The following GTPBP1 variants were observed in gnomAD, a reference collection of about 807,000 sequenced individuals.
The protein encoded by GTPBP1 is GTP binding protein 1.
A neutral mutation model predicts 62.0 loss-of-function variants in GTPBP1; 23 were observed. The observed-to-expected ratio is 0.37, with a 90% CI of 0.27 to 0.53. GTPBP1 has a LOEUF of 0.53. Ranked by LOEUF, GTPBP1 falls within the 20% of genes least tolerant of loss-of-function variation. The pLI is 0.89. For missense variants in GTPBP1, 640 were observed against 917.3 expected (o/e 0.70, Z 3.90); for synonymous variants, 344 against 364.4 (o/e 0.94, Z 0.64).
At chr22:38,722,638 T>G in intron 5 of GTPBP1, 1 of 1,422,142 alleles carries the variant, frequency 7.0e-7, no homozygotes, top group Non-Finnish European at 9.5e-7. Flanking sequence ...ACAAGCATAA[T>G]TGGTTCCTTG....
rs909765016 is a variant in GTPBP1, at chr22:38,729,473, C to T, written c.1728C>T (p.Thr576=). Residue 576 remains threonine, a synonymous_variant, in exon 11 of 12, where the codon ACC becomes ACT. Transcript: ENST00000216044. ...CATGGCTCCCACAGCTCCTCCAGAC[C>T]ACCAACAACTCCCCAATGAACTCCA... ...AVGTITKLLQ[T]TNNSPMNSKP... The T allele has an allele frequency of 1.9e-6, 3 of 1,603,794 alleles. No individual in the cohort carries two copies. The highest frequency in any genetic ancestry group is 2.6e-6 in the Non-Finnish European group (3 of 1,175,624).
chr22:38,737,406 C>T (rs1026640305), downstream of GTPBP1, among the ~76,000 whole-genome samples: 1 of 152,174 alleles, frequency 6.6e-6, no homozygotes, highest in Admixed American at 6.5e-5. The surrounding 1 kb of genome is among the most constrained non-coding windows in gnomAD (Gnocchi z 4.1). Context: ...CTCTCCCCCA[C>T]CTATCCTGTT....
chr22:38,712,711 G>A (rs1569276136), intron 2 of GTPBP1, among the ~76,000 whole-genome samples: 2 of 152,108 alleles, frequency 1.3e-5, no homozygotes. Context: ...GAGCCCTGAT[G>A]GACAAGGTGA....
rs199499842 is a variant in GTPBP1, at chr22:38,719,013, A to AT, written c.834+2023dup. 7.6e-3 allele frequency among the ~76,000 whole-genome samples: 1,141 copies of AT among 150,292 alleles called. 11 individuals are homozygous for AT. Among genetic ancestry groups the AT allele is most frequent in the Middle Eastern group, 0.017 (5 of 294 alleles). The stretch of plus-strand genomic sequence containing the variant: ...GTATATATGTTTTTTATTTATTTTA[A>AT]TTTTTTTTTTGAGATGGAGTCTTGC... On this transcript the variant is annotated intron_variant, in intron 4 of 11. Coordinates refer to ENST00000216044, the MANE Select transcript of GTPBP1 (RefSeq NM_004286.5).
chr22:38,731,456 C>T lies in GTPBP1; in HGVS notation c.*752C>T, dbSNP rs376261872. On this transcript the variant is annotated 3_prime_UTR_variant, in exon 12 of 12. Transcript: ENST00000216044. Reference sequence around the variant, plus strand: ...TGGGATTATAGGACTCTCCCCATCTCGGGCCCTGACCCTGACCCTTGCCAC... The same window carrying T: ...TGGGATTATAGGACTCTCCCCATCTTGGGCCCTGACCCTGACCCTTGCCAC... The T allele has an allele frequency of 1.1e-3, 161 of 152,830 alleles. No homozygotes were observed. The highest frequency in any genetic ancestry group is 3.7e-3 in the African/African-American group (155 of 41,560). 9.5% of individuals were successfully genotyped at this position (152,830 alleles called of 1,614,324 possible). A position where few individuals can be genotyped will look rare whatever the true frequency, so the allele number is the denominator to read the frequency against.
downstream of GTPBP1, chr22:38,737,991 C>T (rs1341647264): frequency 1.4e-6 from 1 of 717,516 alleles, no homozygotes; most frequent in Non-Finnish European, 2.6e-6. The surrounding 1 kb of genome is among the most constrained non-coding windows in gnomAD (Gnocchi z 4.1). Flanking sequence ...GTGCCTTCCC[C>T]TGTGCTGACG....
intron 6 of GTPBP1, 37 bp from the exon 7 acceptor site, chr22:38,725,967 CCT>C (rs1477245033): frequency 1.2e-6 from 2 of 1,605,098 alleles, no homozygotes; most frequent in East Asian, 2.2e-5. Flanking sequence ...CTCCTGAGTG[CCT>C]CTCTCCTTTT....
Position 38,727,087 on chromosome 22 carries a change from T to G in GTPBP1, c.1402-126T>G. 1.1e-6 allele frequency: 1 copy of G among 886,932 alleles called. No individual in the cohort carries two copies. The highest frequency in any genetic ancestry group is 1.7e-6 in the Non-Finnish European group (1 of 595,920). The allele number at this position is 886,932 out of a possible 1,614,324, so 54.9% of individuals were successfully genotyped here. A position where few individuals can be genotyped will look rare whatever the true frequency, so the allele number is the denominator to read the frequency against. The stretch of plus-strand genomic sequence containing the variant: ...CCACCCTAGAAGGCCTGTGGTCCAG[T>G]TGGTGAGGAAACCAGGCAGAGTTGG... On this transcript the variant is annotated intron_variant, in intron 8 of 11. Transcript: ENST00000216044. This position sits in a 1 kb window ranked among gnomAD's most constrained non-coding sequence, Gnocchi z 6.5.
In GTPBP1 at chr22:38,726,468, C is replaced by T. The variant is rs1305869330; in HGVS notation, c.1401+28C>T. 7.6e-6 allele frequency: 12 copies of T among 1,587,760 alleles called. No homozygotes were observed. In the South Asian group the frequency reaches 1.0e-4, roughly 13 times the overall value. On this transcript the variant is annotated intron_variant, in intron 8 of 11. Transcript: ENST00000216044. The surrounding 1 kb of genome is among the most constrained non-coding windows in gnomAD (Gnocchi z 4.1). ...GAGTAGCGATGATACTGAACGCTCC[C>T]CTCAGACTCCATCATGCTAGGCTCT...
chr22:38,723,262 C>A (rs531712279), intron 5 of GTPBP1: 16 of 994,678 alleles, frequency 1.6e-5, no homozygotes, highest in African/African-American at 6.3e-5. Context: ...GGTCTTTGAA[C>A]TCTCCATTGA....
chr22:38,720,188 A>G (rs541028103), intron 4 of GTPBP1, among the ~76,000 whole-genome samples: 3 of 151,102 alleles, frequency 2.0e-5, no homozygotes, highest in South Asian at 4.2e-4. Context: ...TCGGCCTCCC[A>G]AAGTGCTGGG....
chr22:38,738,290 G>A, downstream of GTPBP1: 1 of 1,598,544 alleles, frequency 6.3e-7, no homozygotes, highest in Non-Finnish European at 8.6e-7. This position sits in a 1 kb window ranked among gnomAD's most constrained non-coding sequence, Gnocchi z 6.6. Context: ...GAGGGAAGTG[G>A]GGAGGGGCTG....
rs1406629580 is a variant in GTPBP1 at position 38,731,438 on chromosome 22, A to T, written c.*734A>T. 6.5e-6 allele frequency: 1 copy of T among 152,716 alleles called. No homozygotes were observed. Among genetic ancestry groups the T allele is most frequent in the Admixed American group, 6.5e-5 (1 of 15,274 alleles). 9.5% of individuals were successfully genotyped at this position (152,716 alleles called of 1,614,324 possible). On this transcript the variant is annotated 3_prime_UTR_variant, in exon 12 of 12. Coordinates refer to ENST00000216044, the MANE Select transcript of GTPBP1 (RefSeq NM_004286.5). Reference sequence around the variant, plus strand: ...TGTGGAGGGGAATGGCGATGGGATTATAGGACTCTCCCCATCTCGGGCCCT... The same window carrying T: ...TGTGGAGGGGAATGGCGATGGGATTTTAGGACTCTCCCCATCTCGGGCCCT...
downstream of GTPBP1, among the ~76,000 whole-genome samples, chr22:38,741,227 T>C (rs534901690): frequency 1.3e-5 from 2 of 151,484 alleles, no homozygotes; most frequent in African/African-American, 4.9e-5. Flanking sequence ...GTCTCGTCCA[T>C]GTCTGACACA....
intron 4 of GTPBP1, among the ~76,000 whole-genome samples, chr22:38,717,545 A>T (rs993198888): frequency 2.0e-5 from 3 of 152,234 alleles, no homozygotes; most frequent in Non-Finnish European, 4.4e-5. Context: ...CTGATGATAC[A>T]GCAATGAACA....
Position 38,727,239 on chromosome 22 carries a change from C to T in GTPBP1, c.1428C>T (p.Gly476=). Residue 476 remains glycine (G), a synonymous_variant, in exon 9 of 12, where the codon GGC becomes GGT. Transcript: ENST00000216044. This position sits in a 1 kb window ranked among gnomAD's most constrained non-coding sequence, Gnocchi z 6.5. ...KKIKRSSIRK[G]MVMVSPRLNP... is the part of the protein sequence containing the mutation. ...TCAAGCGCTCGTCCATCCGGAAGGG[C>T]ATGGTGATGGTTTCCCCACGTTTGA... The T allele has an allele frequency of 2.5e-6, 4 of 1,598,182 alleles. No homozygotes were observed. Among genetic ancestry groups the T allele is most frequent in the South Asian group, 1.1e-5 (1 of 89,066 alleles).
At chr22:38,715,437 G>A (rs1199788294) in intron 2 of GTPBP1, among the ~76,000 whole-genome samples, 1 of 152,162 alleles carries the variant, frequency 6.6e-6, no homozygotes, top group Non-Finnish European at 1.5e-5. Flanking sequence ...TCCTCCTTCT[G>A]CAGGCCCAGC....
chr22:38,739,232 G>T, downstream of GTPBP1: 2 of 1,273,578 alleles, frequency 1.6e-6, no homozygotes, highest in Non-Finnish European at 2.3e-6. This position sits in a 1 kb window ranked among gnomAD's most constrained non-coding sequence, Gnocchi z 6.7. Context: ...GGTGATTTCT[G>T]CTGATCCTGA....
At chr22:38,711,025 T>C (rs568529594) in intron 2 of GTPBP1, among the ~76,000 whole-genome samples, 1 of 152,274 alleles carries the variant, frequency 6.6e-6, no homozygotes, top group East Asian at 1.9e-4. Flanking sequence ...TGACTCCTCC[T>C]GCTGGAATTC....
Sources: gnomAD v4.1 joint callset for allele counts (sites outside exome capture counted in the v4.1 genomes callset) on GRCh38, gnomAD v4.1.1 for gene constraint, Gnocchi (gnomAD v3.1) non-coding constraint, MANE v1.5 for transcripts, NCBI Gene and HGNC (gene_info 2026-07-23, HGNC 2026-07-21) for gene names.